Variants in CCDC149 observed in about 807,000 individuals in gnomAD.
The protein encoded by CCDC149 is coiled-coil domain containing 149, also known as coiled-coil domain-containing protein 149.
A neutral mutation model predicts 59.9 loss-of-function variants in CCDC149; 45 were observed. The ratio of observed to expected loss-of-function variants is 0.75; its 90% CI spans 0.59 to 0.96. The LOEUF (loss-of-function observed/expected upper bound fraction) is 0.96. Among genes scored for constraint, CCDC149 ranks in the 40% least tolerant of loss-of-function variants. The probability of loss-of-function intolerance (pLI) is 0.00; values close to 1 mark genes in which losing one functional copy is unlikely to be tolerated. For missense variants in CCDC149, 584 were observed against 664.7 expected (o/e 0.88, Z 1.33); for synonymous variants, 245 against 260.6 (o/e 0.94, Z 0.58).
chr4:24,910,569 C>CT (rs1721815424), intron 1 of CCDC149, among the ~76,000 whole-genome samples: 2 of 152,174 alleles, frequency 1.3e-5, no homozygotes, highest in African/African-American at 4.8e-5. Flanking sequence ...AGGCCATACT[C>CT]TAAGAAACAC....
intron 2 of CCDC149, among the ~76,000 whole-genome samples, chr4:24,874,396 C>A (rs1481810633): frequency 6.6e-6 from 1 of 151,558 alleles, no homozygotes; most frequent in East Asian, 1.9e-4. Context: ...GCTGGGCCAA[C>A]ATGCTGAAAC....
At chr4:24,975,657 C>T (rs1724155586) in intron 1 of CCDC149, among the ~76,000 whole-genome samples, 1 of 151,616 alleles carries the variant, frequency 6.6e-6, no homozygotes. Context: ...CCATGCCCAT[C>T]CCTGAACCAG....
chr4:24,824,289 C>G (rs974151970), intron 9 of CCDC149, among the ~76,000 whole-genome samples: 25 of 152,190 alleles, frequency 1.6e-4, no homozygotes, highest in African/African-American at 6.0e-4. Context: ...TTTGTCAGTG[C>G]TTTCTTCTCT....
At position 24,878,216 on chromosome 4, in the gene CCDC149, TAAA is replaced by T. The variant is rs66494953; in HGVS notation, c.64-1522_64-1520del. ...TGTGCATTTGCACAATTTTTTTTCC[TAAA>T]AAAAAAAAAAAAAAAAAAAGAAAGT... On this transcript the variant is annotated intron_variant, in intron 1 of 12. Transcript: ENST00000635206. Among the ~76,000 whole-genome samples, 595 of 125,110 alleles carry T rather than the reference TAAA, an allele frequency of 4.8e-3. 4 individuals carry two copies. Among genetic ancestry groups the T allele is most frequent in the African/African-American group, 0.013 (415 of 32,212 alleles). The allele number at this position is 125,110 out of a possible 152,430, so 82.1% of individuals were successfully genotyped here.
intron 1 of CCDC149, among the ~76,000 whole-genome samples, chr4:24,930,666 A>C (rs1002266649): frequency 6.6e-6 from 1 of 152,052 alleles, no homozygotes; most frequent in Non-Finnish European, 1.5e-5. Context: ...TGCCCCCTCA[A>C]TGAGGGGAAG....
intron 1 of CCDC149, among the ~76,000 whole-genome samples, chr4:24,967,868 T>C (rs916365193): frequency 2.6e-5 from 4 of 152,046 alleles, no homozygotes; most frequent in African/African-American, 7.2e-5. Flanking sequence ...AGTTACTTGG[T>C]CAGGTAAGAC....
chr4:24,873,652 A>G (rs780620302), intron 3 of CCDC149, 29 bp downstream of exon 3: 11 of 1,530,252 alleles, frequency 7.2e-6, no homozygotes, highest in African/African-American at 1.4e-5. Context: ...GTATCAATAA[A>G]AAAATCTGAG....
At chr4:24,863,034 T>C (rs1718474238) in intron 3 of CCDC149, among the ~76,000 whole-genome samples, 1 of 152,206 alleles carries the variant, frequency 6.6e-6, no homozygotes, top group African/African-American at 2.4e-5. Context: ...GGCTCAGGCC[T>C]GTAATCCCAG....
At chr4:24,832,222 T>A (rs1341517111) in intron 8 of CCDC149, among the ~76,000 whole-genome samples, 1 of 152,194 alleles carries the variant, frequency 6.6e-6, no homozygotes, top group Admixed American at 6.5e-5. Flanking sequence ...ATGTATGGCA[T>A]AACAAAACCA....
chr4:24,838,234 G>A lies in CCDC149; in HGVS notation c.411C>T (p.Asp137=), dbSNP rs779747145. 22 of 1,613,986 alleles carry A rather than the reference G, an allele frequency of 1.4e-5. 1 individual carries two copies. Among genetic ancestry groups the A allele is most frequent in the South Asian group, 3.3e-5 (3 of 91,084 alleles). ...CAAAGTGTCGCACGCCGATTGCTTCGTCTCCGAGCCTTTGTTTGGCAATCG... is the reference window on the plus strand; with the variant it reads ...CAAAGTGTCGCACGCCGATTGCTTCATCTCCGAGCCTTTGTTTGGCAATCG... Residue 137 remains aspartate, a synonymous_variant, in exon 5 of 13, where the codon GAC becomes GAT. Coordinates refer to ENST00000635206, the MANE Select transcript of CCDC149 (RefSeq NM_001330643.2).
At chr4:24,916,461 A>T (rs1017130522), upstream of CCDC149, among the ~76,000 whole-genome samples, 3 of 152,292 alleles carry the variant, frequency 2.0e-5, no homozygotes, top group East Asian at 5.8e-4. Flanking sequence ...AGCTCTCATT[A>T]TGGGTTCTAT....
chr4:24,946,266 C>T (rs904067970), intron 1 of CCDC149, among the ~76,000 whole-genome samples: 2 of 152,158 alleles, frequency 1.3e-5, no homozygotes, highest in African/African-American at 4.8e-5. Context: ...ACTTTCAGGC[C>T]AGTTCTCCAG....
At chr4:24,895,527 G>A (rs17594619) in intron 1 of CCDC149, among the ~76,000 whole-genome samples, 12,983 of 152,014 alleles carry the variant, frequency 0.085, 624 homozygotes, top group Middle Eastern at 0.12. Flanking sequence ...TACATTGCTC[G>A]GTGTTTAAAG....
chr4:24,806,383 C>A lies in CCDC149; in HGVS notation c.*2006G>T. 6.6e-6 allele frequency: 1 copy of A among 152,412 alleles called. No individual in the cohort carries two copies. The highest frequency in any genetic ancestry group is 1.5e-5 in the Non-Finnish European group (1 of 68,080). 9.4% of individuals were successfully genotyped at this position (152,412 alleles called of 1,614,324 possible). A position where few individuals can be genotyped will look rare whatever the true frequency, so the allele number is the denominator to read the frequency against. On this transcript the variant is annotated 3_prime_UTR_variant, in exon 13 of 13. Coordinates refer to ENST00000635206, the MANE Select transcript of CCDC149 (RefSeq NM_001330643.2). ...CTGGGACTCACTGCAGTTTTCCTGACTCTGATGGAATGTGCTGGAGTCTAT... is the reference window on the plus strand; with the variant it reads ...CTGGGACTCACTGCAGTTTTCCTGAATCTGATGGAATGTGCTGGAGTCTAT...
At chr4:24,946,752 C>T (rs1400217998) in intron 1 of CCDC149, among the ~76,000 whole-genome samples, 1 of 152,102 alleles carries the variant, frequency 6.6e-6, no homozygotes, top group Non-Finnish European at 1.5e-5. Context: ...TCCTAGTGGG[C>T]AAGTTAATAT....
At chr4:24,929,374 T>G (rs1004588396) in intron 1 of CCDC149, among the ~76,000 whole-genome samples, 1 of 152,168 alleles carries the variant, frequency 6.6e-6, no homozygotes, top group Non-Finnish European at 1.5e-5. Context: ...TTACAAAATC[T>G]CTTCTCCCTC....
At chr4:24,898,927 T>A (rs1300611835) in intron 1 of CCDC149, among the ~76,000 whole-genome samples, 1 of 150,728 alleles carries the variant, frequency 6.6e-6, no homozygotes, top group African/African-American at 2.4e-5. Context: ...GTAGGGGAGG[T>A]GGTGGAAATA....
At chr4:24,974,550 T>C (rs1442634948) in intron 1 of CCDC149, among the ~76,000 whole-genome samples, 1 of 152,162 alleles carries the variant, frequency 6.6e-6, no homozygotes, top group Non-Finnish European at 1.5e-5. Flanking sequence ...ATAATGTAAT[T>C]CCCTAGCACA....
At chr4:24,919,738 T>C (rs898110855) in intron 1 of CCDC149, among the ~76,000 whole-genome samples, 1 of 152,232 alleles carries the variant, frequency 6.6e-6, no homozygotes, top group Non-Finnish European at 1.5e-5. Context: ...CACCTTAACC[T>C]TTCTGTGAAT....
Sources: gnomAD v4.1 joint callset for allele counts (sites outside exome capture counted in the v4.1 genomes callset) on GRCh38, gnomAD v4.1.1 for gene constraint, MANE v1.5 for transcripts, NCBI Gene and HGNC (gene_info 2026-07-23, HGNC 2026-07-21) for gene names.